Variants in GLI3 observed in about 807,000 individuals in gnomAD.
GLI3 encodes GLI family zinc finger 3, also known as transcription activator GLI3.
GLI3 carries 20 observed loss-of-function variants against 100.8 expected under a neutral mutation model. The observed-to-expected ratio is 0.20, with a 90% CI of 0.14 to 0.29. The LOEUF is 0.29. Ranked by LOEUF, GLI3 falls within the 10% of genes least tolerant of loss-of-function variation. The pLI, the probability that GLI3 is intolerant of heterozygous loss-of-function variation, is 1.00. For missense variants in GLI3, 2,040 were observed against 2,128.5 expected, an observed-to-expected ratio of 0.96 and a Z score of 0.82; for synonymous variants, 938 against 860.5, an observed-to-expected ratio of 1.09 and a Z score of -1.58.
At chr7:42,235,396 T>G (rs1028529361) in intron 1 of GLI3, among the ~76,000 whole-genome samples, 3 of 152,154 alleles carry the variant, frequency 2.0e-5, no homozygotes, top group African/African-American at 4.8e-5. Flanking sequence ...TTAAATAGAC[T>G]GAAAAGAGCT....
chr7:42,072,722 A>G (rs978497620), intron 4 of GLI3, among the ~76,000 whole-genome samples: 16 of 152,226 alleles, frequency 1.1e-4, no homozygotes, highest in African/African-American at 3.6e-4. Context: ...CAACAATGCA[A>G]GGCAGGAAAT....
rs1784227056 is a variant in GLI3, at chr7:42,045,476, G to C, written c.734C>G (p.Thr245Ser). The change falls in exon 6 of 15, where the codon ACT becomes AGT. Residue 245 changes from threonine to serine, a missense_variant. Around this residue, in one of 5 missense-constraint regions of GLI3, gnomAD observed 603 missense variants for 690.9 expected, o/e 0.87. Coordinates refer to ENST00000395925, the MANE Select transcript of GLI3 (RefSeq NM_000168.6). ...AEYYHQMALLTGQRSPYADII... is the reference protein window; with the variant it reads ...AEYYHQMALLSGQRSPYADII... ...GTCTGCATAGGGGCTGCGCTGGCCA[G>C]TTAGCAGGGCCATCTGATGATAGTA... The C allele has an allele frequency of 1.2e-6, 2 of 1,613,990 alleles. No homozygotes were observed. The highest frequency in any genetic ancestry group is 1.7e-6 in the Non-Finnish European group (2 of 1,179,836).
At chr7:42,052,851 C>T (rs1784378942) in intron 4 of GLI3, among the ~76,000 whole-genome samples, 1 of 152,166 alleles carries the variant, frequency 6.6e-6, no homozygotes, top group Admixed American at 6.5e-5. Flanking sequence ...TCTAAGCAAA[C>T]AAAGCTGAGC....
At chr7:42,226,485 C>A (rs530616394) in intron 1 of GLI3, among the ~76,000 whole-genome samples, 4 of 152,304 alleles carry the variant, frequency 2.6e-5, no homozygotes, top group African/African-American at 9.6e-5. Context: ...AGAGGTAAAG[C>A]TCCAGGCACT....
At position 42,263,167 on chromosome 7, in the gene GLI3, G is replaced by A. The variant is rs116435482; in HGVS notation, c.-43+827C>T. ...ATCCAGCATAGCTGGTCTCGTGTACGCCTTCTGAGTGCTTACTATAGATAC... is the reference window on the plus strand; with the variant it reads ...ATCCAGCATAGCTGGTCTCGTGTACACCTTCTGAGTGCTTACTATAGATAC... On this transcript the variant is annotated intron_variant, in intron 1 of 2. Coordinates refer to the GLI3 transcript ENST00000678978. Among the ~76,000 whole-genome samples the A allele has an allele frequency of 3.3e-5, 5 of 152,128 alleles. No individual in the cohort carries two copies. The South Asian group carries it at 6.2e-4, about 19-fold the overall frequency.
intron 10 of GLI3, among the ~76,000 whole-genome samples, chr7:41,995,307 G>T (rs749758784): frequency 2.0e-5 from 3 of 152,286 alleles, no homozygotes; most frequent in Admixed American, 2.0e-4. Context: ...GGCTGCTTGC[G>T]TTATGCTCCT....
chr7:42,026,813 C>T (rs1169028723), intron 7 of GLI3, among the ~76,000 whole-genome samples: 1 of 152,190 alleles, frequency 6.6e-6, no homozygotes, highest in African/African-American at 2.4e-5. Flanking sequence ...ACACTGCACG[C>T]TTTCATATGT....
intron 3 of GLI3, among the ~76,000 whole-genome samples, chr7:42,147,595 C>T (rs1271031881): frequency 6.6e-6 from 1 of 152,138 alleles, no homozygotes; most frequent in Non-Finnish European, 1.5e-5. Flanking sequence ...TTGGAGAAAA[C>T]CATCCCATAC....
At chr7:42,226,609 T>C (rs1352348248) in intron 1 of GLI3, among the ~76,000 whole-genome samples, 1 of 152,186 alleles carries the variant, frequency 6.6e-6, no homozygotes, top group East Asian at 1.9e-4. Flanking sequence ...CCCTTCTATT[T>C]TGACAACTTA....
chr7:42,145,744 G>C (rs1210441770), intron 3 of GLI3: 24 of 397,234 alleles, frequency 6.0e-5, no homozygotes, highest in Non-Finnish European at 1.0e-4. Context: ...TGATGTAGAA[G>C]AGAAGGAAAA....
At chr7:42,153,559 G>A (rs1450109109) in intron 2 of GLI3, among the ~76,000 whole-genome samples, 1 of 147,848 alleles carries the variant, frequency 6.8e-6, no homozygotes, top group Middle Eastern at 3.4e-3. Context: ...GATGGGGCGG[G>A]CAGGGAGGAG....
intron 6 of GLI3, among the ~76,000 whole-genome samples, chr7:42,040,583 G>T (rs1235771264): frequency 6.6e-6 from 1 of 152,078 alleles, no homozygotes; most frequent in Non-Finnish European, 1.5e-5. Context: ...TTCACCACAA[G>T]CGACAAAGAC....
intron 3 of GLI3, among the ~76,000 whole-genome samples, chr7:42,125,180 G>A (rs1399278049): frequency 6.6e-5 from 10 of 152,176 alleles, no homozygotes. Context: ...ACGCTAACAA[G>A]TATTTGTAAG....
intron 10 of GLI3, among the ~76,000 whole-genome samples, chr7:42,002,092 G>A (rs1054352832): frequency 6.6e-6 from 1 of 151,300 alleles, no homozygotes; most frequent in Non-Finnish European, 1.5e-5. Flanking sequence ...ACACACACAC[G>A]TGTGCAAATA....
chr7:41,989,364 T>C (rs1242661139), intron 10 of GLI3, among the ~76,000 whole-genome samples: 1 of 152,200 alleles, frequency 6.6e-6, no homozygotes, highest in Admixed American at 6.5e-5. Flanking sequence ...AGGTTTCTGA[T>C]TTGAGCTCTA....
chr7:42,243,591 G>A (rs76866890), intron 1 of GLI3, among the ~76,000 whole-genome samples: 2,634 of 152,296 alleles, frequency 0.017, 41 homozygotes, highest in Admixed American at 0.036. Context: ...ATCTCACAGA[G>A]TCATTGTGAT....
At position 42,221,864 on chromosome 7, in the gene GLI3, A is replaced by G. The variant is rs527512511; in HGVS notation, c.124+1266T>C. ...AGCTCCAGTCTTGACTTTAAATACC[A>G]TCAATAAAGGAGGAAATATTTTCAC... is the stretch of plus-strand genomic sequence containing the variant. On this transcript the variant is annotated intron_variant, in intron 2 of 14. Transcript: ENST00000395925. Among the ~76,000 whole-genome samples, 4 of 152,346 alleles carry G rather than the reference A, an allele frequency of 2.6e-5. No individual in the cohort carries two copies. In the South Asian group the frequency reaches 8.3e-4, roughly 32 times the overall value.
intron 3 of GLI3, among the ~76,000 whole-genome samples, chr7:42,088,101 C>T (rs1372511533): frequency 6.6e-6 from 1 of 152,172 alleles, no homozygotes; most frequent in Non-Finnish European, 1.5e-5. Flanking sequence ...AGAAAACATT[C>T]CCCATTTTTC....
intron 2 of GLI3, among the ~76,000 whole-genome samples, chr7:42,183,506 G>A (rs1317228236): frequency 5.9e-5 from 9 of 152,158 alleles, no homozygotes; most frequent in Admixed American, 5.9e-4. Context: ...GCTTTGAAAA[G>A]TGGACAATTT....
Sources: allele counts gnomAD v4.1 joint callset (sites outside exome capture counted in the v4.1 genomes callset), GRCh38; gene constraint gnomAD v4.1.1; regional missense constraint gnomAD v4.1.1; transcripts MANE v1.5; gene names NCBI Gene and HGNC (gene_info 2026-07-23, HGNC 2026-07-21).